Variants in GPR155 observed in about 807,000 individuals in gnomAD.
The protein encoded by GPR155 is lysosomal cholesterol signaling protein.
GPR155 carries 65 observed loss-of-function variants against 93.1 expected under a neutral mutation model. That is an observed-to-expected ratio of 0.70 (90% CI 0.57 to 0.86). GPR155 has a LOEUF of 0.86. GPR155 is among the 40% of genes least tolerant of loss of function. GPR155 has a pLI of 0.00. For missense variants in GPR155, 838 were observed against 1,034.8 expected (o/e 0.81, Z 2.61); for synonymous variants, 319 against 360.1 (o/e 0.89, Z 1.29).
intron 13 of GPR155, 94 bp from the exon 14 acceptor site, chr2:174,442,277 A>T: frequency 4.2e-6 from 3 of 717,332 alleles, no homozygotes; most frequent in Non-Finnish European, 7.5e-6. Flanking sequence ...GTGTTTGAGG[A>T]GACAAACCTA....
chr2:174,465,967 A>C, intron 6 of GPR155, 65 bp from the exon 7 acceptor site: 1 of 700,056 alleles, frequency 1.4e-6, no homozygotes, highest in Non-Finnish European at 2.5e-6. Flanking sequence ...CAATACTGCA[A>C]CAGAAAATTC....
intron 11 of GPR155, among the ~76,000 whole-genome samples, chr2:174,452,174 T>C (rs1254199432): frequency 6.6e-6 from 1 of 152,164 alleles, no homozygotes; most frequent in Non-Finnish European, 1.5e-5. Flanking sequence ...AAAGACAGTG[T>C]AACTGCCAGA....
rs1686695056 is a variant in GPR155, at chr2:174,433,535, C to T, written c.*2581G>A. On this transcript the variant is annotated 3_prime_UTR_variant, in exon 16 of 16. Transcript: ENST00000392552. ...GGGAAGAATTTACACAGCCCCACTT[C>T]TCTGCCTGTAGAAATGTAAAGTTGA... is the stretch of plus-strand genomic sequence containing the variant. 1 of 152,220 alleles carries T rather than the reference C, an allele frequency of 6.6e-6. No homozygotes were observed. Among genetic ancestry groups the T allele is most frequent in the South Asian group, 2.1e-4 (1 of 4,830 alleles). The allele number at this position is 152,220 out of a possible 1,614,324, so 9.4% of individuals were successfully genotyped here.
chr2:174,441,701 C>A (rs572515755), intron 14 of GPR155, among the ~76,000 whole-genome samples: 1 of 147,106 alleles, frequency 6.8e-6, no homozygotes, highest in African/African-American at 2.5e-5. Flanking sequence ...TCTGTCCTTG[C>A]GATAGAAAAA....
At chr2:174,454,650 GAGGGAAGA>G (rs1340709699) in intron 10 of GPR155, among the ~76,000 whole-genome samples, 8 of 135,382 alleles carry the variant, frequency 5.9e-5, no homozygotes, top group Admixed American at 3.5e-4. Context: ...AGGAAGGAGG[GAGGGAAGA>G]AGGGAAGGAG....
chr2:174,483,234 T>A lies in GPR155; in HGVS notation c.-31-1247A>T, dbSNP rs946261531. The A allele has an allele frequency of 9.2e-4, 140 of 152,148 alleles. 1 individual carries two copies. The highest frequency in any genetic ancestry group is 3.1e-3 in the African/African-American group (130 of 41,506). 9.4% of individuals were successfully genotyped at this position (152,148 alleles called of 1,614,324 possible). A position where few individuals can be genotyped will look rare whatever the true frequency, so the allele number is the denominator to read the frequency against. On this transcript the variant is annotated intron_variant, in intron 1 of 15. Transcript: ENST00000392552. Reference sequence around the variant, plus strand: ...TTACTTATACTTAAACCTTTTACCCTTTCATGGATCAATGTTCTCTTTCAG... The same window carrying A: ...TTACTTATACTTAAACCTTTTACCCATTCATGGATCAATGTTCTCTTTCAG...
In GPR155 at chr2:174,433,917, C is replaced by A. The variant is rs1453365902; in HGVS notation, c.*2199G>T. 1 of 151,510 alleles carries A rather than the reference C, an allele frequency of 6.6e-6. No individual in the cohort carries two copies. The highest frequency in any genetic ancestry group is 1.5e-5 in the Non-Finnish European group (1 of 67,934). 9.4% of individuals were successfully genotyped at this position (151,510 alleles called of 1,614,324 possible). A position where few individuals can be genotyped will look rare whatever the true frequency, so the allele number is the denominator to read the frequency against. The stretch of plus-strand genomic sequence containing the variant: ...ATTTTAAAAATTATATATTTTTATA[C>A]ATGGACACTTTAAAAAGACTAAATT... On this transcript the variant is annotated 3_prime_UTR_variant, in exon 16 of 16. Coordinates refer to ENST00000392552, the MANE Select transcript of GPR155 (RefSeq NM_152529.7).
In GPR155 at chr2:174,436,386, GAAAGTTCCAGC is replaced by G. The variant is rs779003059; in HGVS notation, c.2332_2342del (p.Ala778LeufsTer4). 6 of 1,614,016 alleles carry G rather than the reference GAAAGTTCCAGC, an allele frequency of 3.7e-6. No homozygotes were observed. The highest frequency in any genetic ancestry group is 5.1e-6 in the Non-Finnish European group (6 of 1,180,028). ...GCCAGCTCACCAGGTCACAGCCACA[GAAAGTTCCAGC>G]AGAAGTCTTTGCACCACACCTGTGT... On this transcript the variant is annotated frameshift_variant, in exon 16 of 16. Transcript: ENST00000392552. LOFTEE classifies it high-confidence loss of function.
intron 13 of GPR155, among the ~76,000 whole-genome samples, chr2:174,443,469 C>T (rs1439929098): frequency 3.9e-5 from 6 of 152,116 alleles, no homozygotes; most frequent in Non-Finnish European, 7.3e-5. Context: ...GGCCCATGCC[C>T]GTTAATACCA....
intron 7 of GPR155, 53 bp downstream of exon 7, chr2:174,465,732 G>T: frequency 1.2e-6 from 1 of 864,942 alleles, no homozygotes; most frequent in South Asian, 1.4e-5. Flanking sequence ...GGGCTATTAG[G>T]AATGGGGTGG....
intron 2 of GPR155, among the ~76,000 whole-genome samples, chr2:174,479,249 C>A (rs1200050024): frequency 6.6e-6 from 1 of 152,094 alleles, no homozygotes; most frequent in Non-Finnish European, 1.5e-5. Context: ...CTCAATATGA[C>A]AATAGATTAA....
rs1686745791 is a variant in GPR155, at chr2:174,435,387, T to C, written c.*729A>G. On this transcript the variant is annotated 3_prime_UTR_variant, in exon 16 of 16. Transcript: ENST00000392552. ...AGCATTTACATTGTATTAGGCATTA[T>C]AAGTATCTAAAGATGATTAAACTAT... 1 of 152,230 alleles carries C rather than the reference T, an allele frequency of 6.6e-6. No homozygotes were observed. The highest frequency in any genetic ancestry group is 2.4e-5 in the African/African-American group (1 of 41,464). The allele number at this position is 152,230 out of a possible 1,614,324, so 9.4% of individuals were successfully genotyped here. A position where few individuals can be genotyped will look rare whatever the true frequency, so the allele number is the denominator to read the frequency against.
At chr2:174,466,760 A>G in intron 5 of GPR155, 133 bp from the exon 6 acceptor site, 1 of 573,214 alleles carries the variant, frequency 1.7e-6, no homozygotes, top group East Asian at 3.1e-5. Context: ...TATTTTATTT[A>G]ATCTGTCTAG....
chr2:174,465,428 G>A lies in GPR155; in HGVS notation c.1384+357C>T, dbSNP rs186990772. ...AGAATTTCCCTGTTCAGCAGGACTCGATAGTGAGCTCTGGAACACACCTCA... is the reference window on the plus strand; with the variant it reads ...AGAATTTCCCTGTTCAGCAGGACTCAATAGTGAGCTCTGGAACACACCTCA... On this transcript the variant is annotated intron_variant, in intron 7 of 15. Coordinates refer to ENST00000392552, the MANE Select transcript of GPR155 (RefSeq NM_152529.7). Among the ~76,000 whole-genome samples the A allele has an allele frequency of 9.9e-5, 15 of 152,220 alleles. No homozygotes were observed. In the East Asian group the frequency reaches 2.3e-3, roughly 23 times the overall value.
chr2:174,438,171 T>C, intron 15 of GPR155, among the ~76,000 whole-genome samples: 1 of 151,888 alleles, frequency 6.6e-6, no homozygotes, highest in East Asian at 2.0e-4. Flanking sequence ...GCCCAGGAGA[T>C]TGGGGCTGCA....
intron 7 of GPR155, among the ~76,000 whole-genome samples, chr2:174,462,843 T>C (rs1442127179): frequency 6.6e-6 from 1 of 152,246 alleles, no homozygotes; most frequent in Non-Finnish European, 1.5e-5. Flanking sequence ...TAACATTTTA[T>C]TTAATAAATT....
chr2:174,476,166 T>G, intron 2 of GPR155, among the ~76,000 whole-genome samples: 1 of 152,230 alleles, frequency 6.6e-6, no homozygotes, highest in Non-Finnish European at 1.5e-5. Context: ...TTAGATTACT[T>G]CATGTGTTTA....
At chr2:174,452,558 C>A (rs1687352485) in intron 11 of GPR155, among the ~76,000 whole-genome samples, 1 of 152,136 alleles carries the variant, frequency 6.6e-6, no homozygotes, top group South Asian at 2.1e-4. Flanking sequence ...GAAAAATGCA[C>A]TGCAATTCCA....
At chr2:174,458,848 G>C (rs915600007) in intron 10 of GPR155, among the ~76,000 whole-genome samples, 1 of 152,134 alleles carries the variant, frequency 6.6e-6, no homozygotes, top group Non-Finnish European at 1.5e-5. Flanking sequence ...AGCACATTGG[G>C]AGGCCGAGGC....
Sources: allele counts gnomAD v4.1 joint callset (sites outside exome capture counted in the v4.1 genomes callset), GRCh38; gene constraint gnomAD v4.1.1; transcripts MANE v1.5; gene names NCBI Gene and HGNC (gene_info 2026-07-23, HGNC 2026-07-21).